Variants in ELP3 observed in about 807,000 individuals in gnomAD.
ELP3 encodes elongator acetyltransferase complex subunit 3.
A neutral mutation model predicts 74.9 loss-of-function variants in ELP3; 56 were observed. That is an observed-to-expected ratio of 0.75 (90% CI 0.60 to 0.93). ELP3 has a LOEUF of 0.93. Ranked by LOEUF, ELP3 falls within the 40% of genes least tolerant of loss-of-function variation. ELP3 has a pLI of 0.00. For synonymous variants in ELP3, 222 were observed against 239.8 expected, an observed-to-expected ratio of 0.93 and a Z score of 0.68; for missense variants, 573 against 686.5, an observed-to-expected ratio of 0.83 and a Z score of 1.85.
intron 3 of ELP3, among the ~76,000 whole-genome samples, chr8:28,105,172 A>G (rs1811638599): frequency 6.6e-6 from 1 of 152,140 alleles, no homozygotes; most frequent in Non-Finnish European, 1.5e-5. Context: ...ACCTGAGGTC[A>G]GGAGTTTGAG....
At chr8:28,093,619 T>TA (rs760479068) in intron 1 of ELP3, 3 of 228,596 alleles carry the variant, frequency 1.3e-5, no homozygotes, top group Admixed American at 5.1e-5. Flanking sequence ...TTTAAGATAT[T>TA]AAAAAAACCT....
At chr8:28,098,915 C>T (rs1257645825) in intron 2 of ELP3, among the ~76,000 whole-genome samples, 1 of 152,180 alleles carries the variant, frequency 6.6e-6, no homozygotes, top group Non-Finnish European at 1.5e-5. Flanking sequence ...ACTCTGGAAG[C>T]ATTCATTGTT....
intron 11 of ELP3, among the ~76,000 whole-genome samples, chr8:28,157,591 T>C (rs1262712925): frequency 6.6e-6 from 1 of 152,164 alleles, no homozygotes; most frequent in Non-Finnish European, 1.5e-5. Flanking sequence ...TCTGTACATA[T>C]ATAGCAGTCC....
intron 14 of ELP3, among the ~76,000 whole-genome samples, chr8:28,170,076 G>A (rs1814459269): frequency 6.6e-6 from 1 of 152,176 alleles, no homozygotes; most frequent in African/African-American, 2.4e-5. Context: ...GATTAGACAA[G>A]TCTGTGAATA....
At position 28,129,641 on chromosome 8, in the gene ELP3, G is replaced by A; in HGVS notation, c.757G>A (p.Asp253Asn). 1 of 1,614,186 alleles carries A rather than the reference G, an allele frequency of 6.2e-7. No homozygotes were observed. Among genetic ancestry groups the A allele is most frequent in the Non-Finnish European group, 8.5e-7 (1 of 1,180,014 alleles). ...GATTGGGGTGCAGAGTGTTTATGAA[G>A]ATGTGGCTAGAGACACCAACAGGTA... ...LEIGVQSVYE[D>N]VARDTNRGHT... The change falls in exon 8 of 15, where the codon GAT (aspartate) becomes AAT (asparagine). Residue 253 changes from aspartate to asparagine, a missense_variant. By Grantham distance (23) the Asp-to-Asn change is conservative (BLOSUM62 1). Transcript: ENST00000256398.
intron 7 of ELP3, among the ~76,000 whole-genome samples, chr8:28,123,778 A>G: frequency 6.6e-6 from 1 of 152,112 alleles, no homozygotes; most frequent in East Asian, 1.9e-4. Context: ...TCATCATGAG[A>G]TGTCCTTCCG....
At chr8:28,101,039 T>G (rs1811459723) in intron 3 of ELP3, among the ~76,000 whole-genome samples, 1 of 152,198 alleles carries the variant, frequency 6.6e-6, no homozygotes, top group Non-Finnish European at 1.5e-5. Context: ...CCTAAAATTT[T>G]TACATACAAT....
chr8:28,140,023 A>G lies in ELP3; in HGVS notation c.1100+2132A>G, dbSNP rs1002988723. 3.9e-5 allele frequency among the ~76,000 whole-genome samples: 6 copies of G among 152,144 alleles called. No individual in the cohort carries two copies. In the East Asian group the frequency reaches 5.8e-4, roughly 15 times the overall value. ...TTATATGCAAATACTACACCATTTTATATGAGGGACTTGAGCATCCATGGA... is the reference window on the plus strand; with the variant it reads ...TTATATGCAAATACTACACCATTTTGTATGAGGGACTTGAGCATCCATGGA... On this transcript the variant is annotated intron_variant, in intron 10 of 14. Transcript: ENST00000256398.
At position 28,141,331 on chromosome 8, in the gene ELP3, G is replaced by A. The variant is rs76737828; in HGVS notation, c.1100+3440G>A. 9.2e-3 allele frequency among the ~76,000 whole-genome samples: 1,404 copies of A among 152,284 alleles called. 24 individuals are homozygous for A. The highest frequency in any genetic ancestry group is 0.031 in the African/African-American group (1,300 of 41,552). On this transcript the variant is annotated intron_variant, in intron 10 of 14. Coordinates refer to ENST00000256398, the MANE Select transcript of ELP3 (RefSeq NM_018091.6). ...GATCTGAATCCAATAGTCAGGAGAC[G>A]TTAGACAAAACAAAATTGAGAAACA...
At chr8:28,123,196 A>G (rs958554414) in intron 7 of ELP3, among the ~76,000 whole-genome samples, 17 of 152,338 alleles carry the variant, frequency 1.1e-4, no homozygotes, top group African/African-American at 4.1e-4. Flanking sequence ...TGAATCCCAC[A>G]CATTTTGATA....
chr8:28,108,386 C>G (rs1383611304), intron 5 of ELP3, among the ~76,000 whole-genome samples: 1 of 151,832 alleles, frequency 6.6e-6, no homozygotes, highest in African/African-American at 2.4e-5. Flanking sequence ...CTTACCACTA[C>G]ATTGTACTGT....
At chr8:28,091,615 C>T (rs562759243), upstream of ELP3, among the ~76,000 whole-genome samples, 1 of 152,252 alleles carries the variant, frequency 6.6e-6, no homozygotes, top group South Asian at 2.1e-4. Flanking sequence ...TAATCTCCAG[C>T]CCATGGACAA....
At chr8:28,181,424 T>A (rs554216682) in intron 14 of ELP3, among the ~76,000 whole-genome samples, 2 of 152,364 alleles carry the variant, frequency 1.3e-5, no homozygotes, top group South Asian at 4.1e-4. Context: ...AAGCTGAATC[T>A]GTTTACAAAG....
At chr8:28,110,539 AGGTG>A in intron 6 of ELP3, 101 bp downstream of exon 6, 2 of 1,087,800 alleles carry the variant, frequency 1.8e-6, no homozygotes, top group Non-Finnish European at 2.7e-6. Context: ...AGAATGAAAA[AGGTG>A]TTTTTCCTCT....
At chr8:28,152,676 G>A (rs921332812) in intron 10 of ELP3, among the ~76,000 whole-genome samples, 1 of 152,108 alleles carries the variant, frequency 6.6e-6, no homozygotes, top group African/African-American at 2.4e-5. Context: ...TGTGGTGGCA[G>A]GCACCTGTAA....
intron 10 of ELP3, among the ~76,000 whole-genome samples, chr8:28,151,805 A>G (rs1813651292): frequency 6.6e-6 from 1 of 152,212 alleles, no homozygotes; most frequent in Non-Finnish European, 1.5e-5. Flanking sequence ...AAGCAGTGCT[A>G]GGTCATGTTT....
upstream of ELP3, chr8:28,090,481 G>GT (rs34892576): frequency 0.3 from 58,174 of 192,064 alleles, 9,209 homozygotes; most frequent in East Asian, 0.48. Context: ...TCTGATGGGT[G>GT]GGTGTGTGTG....
chr8:28,166,009 GT>G (rs1814292813), intron 14 of ELP3, among the ~76,000 whole-genome samples: 1 of 152,112 alleles, frequency 6.6e-6, no homozygotes, highest in Admixed American at 6.5e-5. Context: ...GGTTTATTCT[GT>G]TTTTTTCTTA....
Position 28,160,344 on chromosome 8 carries a change from A to G in ELP3, c.1373A>G (p.Glu458Gly), listed in dbSNP as rs576498626. The G allele has an allele frequency of 2.0e-5, 32 of 1,614,204 alleles. No individual in the cohort carries two copies. In the African/African-American group the frequency reaches 4.1e-4, roughly 21 times the overall value. Reference protein sequence around the residue: ...IGLLRLRKCSEETFRFELGGG... With the variant: ...IGLLRLRKCSGETFRFELGGG... The stretch of plus-strand genomic sequence containing the variant: ...CTCCTACGATTACGCAAGTGTTCAG[A>G]AGAAACTTTCCGTTTCGAATTGGGT... The change falls in exon 13 of 15, where the codon GAA (glutamate) becomes GGA (glycine). Residue 458 changes from glutamate to glycine, a missense_variant. By Grantham distance (98) the Glu-to-Gly change is moderately conservative. Coordinates refer to ENST00000256398, the MANE Select transcript of ELP3 (RefSeq NM_018091.6).
Sources: allele counts gnomAD v4.1 joint callset (sites outside exome capture counted in the v4.1 genomes callset), GRCh38; gene constraint gnomAD v4.1.1; transcripts MANE v1.5; gene names NCBI Gene and HGNC (gene_info 2026-07-23, HGNC 2026-07-21).